Variants in RXRA observed in about 807,000 individuals in gnomAD.
RXRA encodes the protein retinoid X receptor alpha, also known as retinoic acid receptor RXR-alpha.
A neutral mutation model predicts 44.5 loss-of-function variants in RXRA; 5 were observed. The observed-to-expected ratio is 0.11, with a 90% CI of 0.06 to 0.24. RXRA has a LOEUF of 0.24. Among genes scored for constraint, RXRA ranks in the 10% least tolerant of loss-of-function variants. The pLI is 1.00. For missense variants in RXRA, 412 were observed against 646.5 expected (o/e 0.64, Z 3.93); for synonymous variants, 291 against 271.4 (o/e 1.07, Z -0.71).
At position 134,326,656 on chromosome 9, in the gene RXRA, C is replaced by A; in HGVS notation, c.25C>A (p.Leu9Ile). The stretch of plus-strand genomic sequence containing the variant: ...CATGGACACCAAACATTTCCTGCCG[C>A]TCGGTGAGTGCTCGCCGGGCCGGGC... MDTKHFLP[L>I]DFSTQVNSSL... is the part of the protein sequence containing the mutation. Residue 9 changes from leucine (L) to isoleucine (I), a missense_variant, in exon 1 of 10, where the codon CTC (leucine) becomes ATC (isoleucine). By Grantham distance (5) the Leu-to-Ile change is conservative. Transcript: ENST00000481739. 1 of 961,944 alleles carries A rather than the reference C, an allele frequency of 1.0e-6. No homozygotes were observed. Among genetic ancestry groups the A allele is most frequent in the South Asian group, 4.6e-5 (1 of 21,576 alleles). 59.6% of individuals were successfully genotyped at this position (961,944 alleles called of 1,614,324 possible).
intron 7 of RXRA, among the ~76,000 whole-genome samples, chr9:134,431,341 G>A (rs887559820): frequency 1.3e-5 from 2 of 152,238 alleles, no homozygotes; most frequent in African/African-American, 2.4e-5. Flanking sequence ...GGCTTTCCCC[G>A]TGTTGAGGCT....
At chr9:134,429,942 G>A (rs1831503615) in intron 7 of RXRA, among the ~76,000 whole-genome samples, 10 of 152,020 alleles carry the variant, frequency 6.6e-5, no homozygotes, top group Admixed American at 5.9e-4. Flanking sequence ...CTAGATTGCA[G>A]TGGTGCAATC....
intron 6 of RXRA, 185 bp downstream of exon 6, chr9:134,421,990 CGGG>C (rs1831341679): frequency 6.8e-7 from 1 of 1,478,134 alleles, no homozygotes; most frequent in Non-Finnish European, 9.0e-7. Context: ...TCCTACCTCC[CGGG>C]ACACTCCCCC....
At chr9:134,359,901 C>T (rs745917480) in intron 1 of RXRA, among the ~76,000 whole-genome samples, 2 of 152,182 alleles carry the variant, frequency 1.3e-5, no homozygotes, top group African/African-American at 2.4e-5. Flanking sequence ...TCTGGGTGGG[C>T]CTGGCCTGTG....
chr9:134,333,409 G>T (rs1244215311), intron 1 of RXRA, among the ~76,000 whole-genome samples: 1 of 152,158 alleles, frequency 6.6e-6, no homozygotes, highest in Non-Finnish European at 1.5e-5. Context: ...GTAATTTCCA[G>T]CTGGGCCTCG....
At position 134,408,232 on chromosome 9, in the gene RXRA, C is replaced by T. The variant is rs777142139; in HGVS notation, c.363C>T (p.Ala121=). ...LGLNGVLKVP[A]HPSGNMASFT... ...TCAATGGCGTCCTCAAGGTCCCCGC[C>T]CACCCCTCAGGAAACATGGCTTCCT... The change falls in exon 3 of 10, where the codon GCC becomes GCT. Residue 121 remains alanine, a synonymous_variant. Coordinates refer to ENST00000481739, the MANE Select transcript of RXRA (RefSeq NM_002957.6). 9.9e-6 allele frequency: 16 copies of T among 1,612,260 alleles called. No homozygotes were observed. In the South Asian group the frequency reaches 1.8e-4, roughly 18 times the overall value.
intron 1 of RXRA, among the ~76,000 whole-genome samples, chr9:134,333,274 C>T (rs988012798): frequency 6.6e-6 from 1 of 152,206 alleles, no homozygotes; most frequent in African/African-American, 2.4e-5. Context: ...AGCCCCAGCT[C>T]CTCTTCCAGG....
chr9:134,373,960 C>G (rs1830520846), intron 1 of RXRA: 1 of 152,306 alleles, frequency 6.6e-6, no homozygotes, highest in Admixed American at 6.5e-5. Context: ...CAGGAGTGCG[C>G]CACCTCACCT....
intron 1 of RXRA, among the ~76,000 whole-genome samples, chr9:134,388,774 GCCT>G (rs921189605): frequency 6.6e-6 from 1 of 152,176 alleles, no homozygotes; most frequent in African/African-American, 2.4e-5. Context: ...TCCTTCCTCT[GCCT>G]CCTCCTCCTT....
At chr9:134,401,996 C>G (rs35030950) in intron 2 of RXRA, 114 bp downstream of exon 2, 20,991 of 892,358 alleles carry the variant, frequency 0.024, 356 homozygotes, top group Non-Finnish European at 0.028. Context: ...GCTGTGGTCT[C>G]CCCGCTTGAC....
rs944046974 is a variant in RXRA, at chr9:134,349,501, G to T, written c.28+22842G>T. Reference sequence around the variant, plus strand: ...CTGCCACACCTGGCAGTGGTGCTGCGGGGGTGGCTCGGCCCTGAAGCTCGT... The same window carrying T: ...CTGCCACACCTGGCAGTGGTGCTGCTGGGGTGGCTCGGCCCTGAAGCTCGT... On this transcript the variant is annotated intron_variant, in intron 1 of 9. Transcript: ENST00000481739. The surrounding 1 kb of genome is among the most constrained non-coding windows in gnomAD (Gnocchi z 4.3). Among the ~76,000 whole-genome samples the T allele has an allele frequency of 8.5e-5, 13 of 152,150 alleles. No homozygotes were observed. Among genetic ancestry groups the T allele is most frequent in the Non-Finnish European group, 1.8e-4 (12 of 68,018 alleles).
rs536947805 is a variant in RXRA, at chr9:134,436,999, C to CGATGCT, written c.*387_*392dup. On this transcript the variant is annotated 3_prime_UTR_variant, in exon 10 of 10. Transcript: ENST00000481739. The stretch of plus-strand genomic sequence containing the variant: ...GGCTTTTGTTTCCGTTGCTGTTTAT[C>CGATGCT]GATGCTGGTTTTCAGAATTCCTGTG... 4.4e-3 allele frequency: 943 copies of CGATGCT among 214,624 alleles called. 4 individuals are homozygous for CGATGCT. The highest frequency in any genetic ancestry group is 6.3e-3 in the Non-Finnish European group (662 of 105,672). The allele number at this position is 214,624 out of a possible 1,614,324, so 13.3% of individuals were successfully genotyped here.
At chr9:134,422,546 C>T (rs200409867) in intron 6 of RXRA, 103 of 1,220,586 alleles carry the variant, frequency 8.4e-5, no homozygotes, top group East Asian at 7.5e-4. Context: ...ACACTCCCCC[C>T]TCCTGGGACA....
At chr9:134,419,981 G>C (rs764224363) in intron 5 of RXRA, among the ~76,000 whole-genome samples, 1 of 152,204 alleles carries the variant, frequency 6.6e-6, no homozygotes, top group Non-Finnish European at 1.5e-5. Context: ...CTCCTGCAGA[G>C]GTCCCAGCCA....
intron 1 of RXRA, among the ~76,000 whole-genome samples, chr9:134,336,517 C>T (rs1159844498): frequency 1.3e-5 from 2 of 152,232 alleles, no homozygotes; most frequent in Non-Finnish European, 2.9e-5. Context: ...CAGGCAGAGT[C>T]CACGGCTGGA....
intron 6 of RXRA, chr9:134,422,420 C>T: frequency 7.8e-7 from 1 of 1,276,614 alleles, no homozygotes; most frequent in Non-Finnish European, 1.0e-6. Context: ...ATTCCACTCT[C>T]CCTGGACGCT....
intron 1 of RXRA, among the ~76,000 whole-genome samples, chr9:134,357,345 A>G (rs1830295624): frequency 6.6e-6 from 1 of 152,164 alleles, no homozygotes; most frequent in Admixed American, 6.5e-5. Context: ...GTTACTGGGA[A>G]AAGGGGACTT....
intron 6 of RXRA, chr9:134,422,388 G>A: frequency 7.9e-7 from 1 of 1,266,162 alleles, no homozygotes; most frequent in Non-Finnish European, 1.0e-6. Context: ...CCCCCTCCCG[G>A]GACACTCCCC....
rs1830108602 is a variant in RXRA, at chr9:134,343,256, C to T, written c.28+16597C>T. Among the ~76,000 whole-genome samples, 1 of 152,154 alleles carries T rather than the reference C, an allele frequency of 6.6e-6. No homozygotes were observed. The highest frequency in any genetic ancestry group is 2.1e-4 in the South Asian group (1 of 4,832). On this transcript the variant is annotated intron_variant, in intron 1 of 9. Coordinates refer to ENST00000481739, the MANE Select transcript of RXRA (RefSeq NM_002957.6). This position sits in a 1 kb window ranked among gnomAD's most constrained non-coding sequence, Gnocchi z 4.1. The stretch of plus-strand genomic sequence containing the variant: ...ACGTGGGGTGAGGGCACTTGCTGCC[C>T]AGGTGGTTGTGAGGGTTGACTGAAG...
Sources: allele counts gnomAD v4.1 joint callset (sites outside exome capture counted in the v4.1 genomes callset), GRCh38; gene constraint gnomAD v4.1.1; non-coding constraint Gnocchi (gnomAD v3.1); transcripts MANE v1.5; gene names NCBI Gene and HGNC (gene_info 2026-07-23, HGNC 2026-07-21).